Variants in SV2C observed in about 807,000 individuals in gnomAD.
The protein encoded by SV2C is synaptic vesicle glycoprotein 2C.
SV2C carries 49 observed loss-of-function variants against 79.7 expected under a neutral mutation model. The ratio of observed to expected loss-of-function variants is 0.61; its 90% CI spans 0.49 to 0.78. The LOEUF (loss-of-function observed/expected upper bound fraction) is 0.78. SV2C is among the 30% of genes least tolerant of loss of function. SV2C has a pLI of 0.00. For synonymous variants in SV2C, 334 were observed against 333.2 expected (o/e 1.00, Z -0.03); for missense variants, 833 against 912.9 (o/e 0.91, Z 1.13).
At chr5:76,160,069 A>G (rs1029620555) in intron 2 of SV2C, among the ~76,000 whole-genome samples, 2 of 152,138 alleles carry the variant, frequency 1.3e-5, no homozygotes, top group African/African-American at 4.8e-5. Context: ...TAAGACTGAA[A>G]TAAATGGAAG....
chr5:76,084,394 C>T (rs1434000421), intron 1 of SV2C, among the ~76,000 whole-genome samples: 1 of 152,002 alleles, frequency 6.6e-6, no homozygotes, highest in East Asian at 1.9e-4. Context: ...TTTCCCCTTC[C>T]GCCTGGGTTC....
At chr5:76,000,995 C>T in the SV2C span, among the ~76,000 whole-genome samples, 6 of 147,622 alleles carry the variant, frequency 4.1e-5, no homozygotes, top group East Asian at 1.2e-3. Context: ...TTTAGTACCA[C>T]TCGGTACAAT....
At chr5:76,103,790 A>G (rs1187938637) in intron 1 of SV2C, among the ~76,000 whole-genome samples, 2 of 152,216 alleles carry the variant, frequency 1.3e-5, no homozygotes, top group African/African-American at 4.8e-5. Flanking sequence ...TAAACATTTA[A>G]AGATGAAATA....
At chr5:76,196,572 G>A (rs1278938932) in intron 3 of SV2C, among the ~76,000 whole-genome samples, 2 of 152,068 alleles carry the variant, frequency 1.3e-5, no homozygotes, top group Non-Finnish European at 2.9e-5. Flanking sequence ...TGTTACTTGG[G>A]GCTATTAGTT....
At position 76,300,786 on chromosome 5, in the gene SV2C, A is replaced by G. The variant is rs765307481; in HGVS notation, c.1694A>G (p.Asn565Ser). The G allele has an allele frequency of 6.2e-7, 1 of 1,614,170 alleles. No individual in the cohort carries two copies. The change falls in exon 11 of 13, where the codon AAC becomes AGC. Residue 565 changes from asparagine to serine, a missense_variant. Physicochemically the swap from Asn to Ser is conservative, Grantham distance 46. Transcript: ENST00000502798. The part of the protein sequence containing the change: ...SEFKNCSFFH[N>S]KTGCQITFDD... ...TTTAAAAACTGCTCGTTTTTTCACA[A>G]CAAGACGGGATGTCAGATTACCTTT... is the stretch of plus-strand genomic sequence containing the variant.
chr5:76,048,880 GA>G, the SV2C span, among the ~76,000 whole-genome samples: 1 of 135,640 alleles, frequency 7.4e-6, no homozygotes, highest in Admixed American at 7.8e-5. Context: ...AGAGAGAGAG[GA>G]AGGAAGGAAG....
chr5:75,867,137 C>T, the SV2C span, among the ~76,000 whole-genome samples: 39,627 of 152,000 alleles, frequency 0.26, 7,765 homozygotes, highest in African/African-American at 0.55. Context: ...TTGAGGAAGT[C>T]TCCAAGGTTC....
At chr5:76,335,951 A>G (rs558965122), downstream of SV2C, among the ~76,000 whole-genome samples, 67 of 150,044 alleles carry the variant, frequency 4.5e-4, no homozygotes, top group Admixed American at 2.8e-3. Context: ...CCTCCCAGAC[A>G]GGGTGGTGGC....
the SV2C span, among the ~76,000 whole-genome samples, chr5:76,057,832 A>C: frequency 0.19 from 28,202 of 152,112 alleles, 3,262 homozygotes; most frequent in South Asian, 0.35. Context: ...AATTTTGATC[A>C]AGGTTTATGG....
At chr5:76,068,800 C>T in the SV2C span, among the ~76,000 whole-genome samples, 5 of 151,608 alleles carry the variant, frequency 3.3e-5, no homozygotes, top group African/African-American at 9.7e-5. Flanking sequence ...TTACTGATAC[C>T]GAGAGTTGAA....
At chr5:76,090,389 C>G (rs1747336287) in intron 1 of SV2C, among the ~76,000 whole-genome samples, 1 of 152,158 alleles carries the variant, frequency 6.6e-6, no homozygotes, top group African/African-American at 2.4e-5. Context: ...TGTATTTAGT[C>G]TTCGTGGTAA....
At chr5:76,284,804 A>G (rs1453728646) in intron 4 of SV2C, among the ~76,000 whole-genome samples, 1 of 152,260 alleles carries the variant, frequency 6.6e-6, no homozygotes, top group Admixed American at 6.5e-5. Context: ...TCCCTAGCAC[A>G]CAGCAGAGTG....
chr5:75,973,078 A>G, the SV2C span, among the ~76,000 whole-genome samples: 1 of 152,192 alleles, frequency 6.6e-6, no homozygotes, highest in East Asian at 1.9e-4. Context: ...TTGCAAGGAC[A>G]AAAAACCAAA....
chr5:76,257,488 G>A (rs1460944288), intron 4 of SV2C, among the ~76,000 whole-genome samples: 1 of 138,054 alleles, frequency 7.2e-6, no homozygotes, highest in Non-Finnish European at 1.7e-5. Flanking sequence ...GGGTGTGTGG[G>A]AGTGTCCTGT....
downstream of SV2C, among the ~76,000 whole-genome samples, chr5:76,338,913 T>C (rs1023266693): frequency 2.0e-5 from 3 of 152,070 alleles, no homozygotes; most frequent in African/African-American, 7.2e-5. Flanking sequence ...CGCCTCGGCC[T>C]CCCAAGTGCT....
chr5:76,183,276 T>A (rs1743810049), intron 2 of SV2C, among the ~76,000 whole-genome samples: 1 of 151,794 alleles, frequency 6.6e-6, no homozygotes, highest in Non-Finnish European at 1.5e-5. Context: ...CTGCCCGCCT[T>A]GGTCTCCCAA....
At chr5:75,938,789 A>G in the SV2C span, among the ~76,000 whole-genome samples, 1 of 152,168 alleles carries the variant, frequency 6.6e-6, no homozygotes, top group African/African-American at 2.4e-5. Flanking sequence ...GTATATTTCA[A>G]TATATCTTTT....
chr5:76,068,368 C>A, the SV2C span, among the ~76,000 whole-genome samples: 144 of 152,204 alleles, frequency 9.5e-4, no homozygotes, highest in African/African-American at 3.1e-3. Context: ...CTAGAATATG[C>A]CTTCATCCTG....
chr5:75,995,267 T>C, the SV2C span, among the ~76,000 whole-genome samples: 1 of 152,240 alleles, frequency 6.6e-6, no homozygotes, highest in African/African-American at 2.4e-5. Context: ...AGTTAATACA[T>C]GAAATTAACC....
Sources: allele counts gnomAD v4.1 joint callset (sites outside exome capture counted in the v4.1 genomes callset), GRCh38; gene constraint gnomAD v4.1.1; transcripts MANE v1.5; gene names NCBI Gene and HGNC (gene_info 2026-07-23, HGNC 2026-07-21).